The following NIPBL variants were observed in gnomAD, a reference collection of about 807,000 sequenced individuals.
NIPBL encodes the protein nipped-B-like protein.
A neutral mutation model predicts 321.8 loss-of-function variants in NIPBL; 19 were observed. That is an observed-to-expected ratio of 0.06 (90% CI 0.04 to 0.09). NIPBL has a LOEUF of 0.09. Among genes scored for constraint, NIPBL ranks in the 10% least tolerant of loss-of-function variants. The pLI is 1.00. For missense variants in NIPBL, 2,210 were observed against 3,327.0 expected (o/e 0.66, Z 8.26); for synonymous variants, 1,106 against 1,114.1 (o/e 0.99, Z 0.14).
At chr5:36,972,717 A>G (rs1364188535) in intron 8 of NIPBL, among the ~76,000 whole-genome samples, 1 of 152,158 alleles carries the variant, frequency 6.6e-6, no homozygotes, top group Non-Finnish European at 1.5e-5. Context: ...ATCTGTCTTA[A>G]TGCTATTCCA....
At chr5:36,927,978 G>A (rs140684447) in intron 1 of NIPBL, among the ~76,000 whole-genome samples, 330 of 151,964 alleles carry the variant, frequency 2.2e-3, no homozygotes, top group African/African-American at 7.2e-3. Context: ...CACCATGCCC[G>A]GCTGCAGTGA....
chr5:36,984,996 C>A lies in NIPBL; in HGVS notation c.1816C>A (p.Pro606Thr), dbSNP rs147532293. The A allele has an allele frequency of 6.2e-7, 1 of 1,613,762 alleles. No individual in the cohort carries two copies. The highest frequency in any genetic ancestry group is 8.5e-7 in the Non-Finnish European group (1 of 1,179,932). Residue 606 changes from proline (P) to threonine (T), a missense_variant, in exon 10 of 47, where the codon CCT (proline) becomes ACT (threonine). By Grantham distance (38) the Pro-to-Thr change is conservative (BLOSUM62 -1). Around this residue, in one of 14 missense-constraint regions of NIPBL, gnomAD observed 588 missense variants for 564.1 expected, o/e 1.04. Coordinates refer to ENST00000282516, the MANE Select transcript of NIPBL (RefSeq NM_133433.4). ...TGAGACACCTAAAAAAAAGTCTGAT[C>A]CTGAGCTTTCAAAGAGTGAAATGAA... The part of the protein sequence containing the change: ...HPETPKKKSD[P>T]ELSKSEMKQS...
intron 8 of NIPBL, among the ~76,000 whole-genome samples, chr5:36,973,755 C>T (rs1322160934): frequency 6.6e-6 from 1 of 152,154 alleles, no homozygotes; most frequent in Admixed American, 6.5e-5. Flanking sequence ...AGGCGTGAGC[C>T]ACCACACCAG....
chr5:36,976,144 C>T lies in NIPBL; in HGVS notation c.1237C>T (p.Pro413Ser), dbSNP rs1166160584. The T allele has an allele frequency of 6.2e-7, 1 of 1,613,398 alleles. No homozygotes were observed. The highest frequency in any genetic ancestry group is 8.5e-7 in the Non-Finnish European group (1 of 1,179,566). ...TPITPQDINRPLNAAQCLSQQ... is the reference protein window; with the variant it reads ...TPITPQDINRSLNAAQCLSQQ... ...CATTACTCCACAAGATATAAACCGC[C>T]CACTAAATGCTGCTCAATGTTTGTC... The change falls in exon 9 of 47, where the codon CCA becomes TCA. Residue 413 changes from proline to serine, a missense_variant. Pro to Ser is a moderately conservative substitution (Grantham distance 74). This residue lies in a region of NIPBL where 464 missense variants were observed against 529.5 expected (regional missense o/e 0.88). Coordinates refer to ENST00000282516, the MANE Select transcript of NIPBL (RefSeq NM_133433.4).
chr5:36,978,573 C>T (rs374851114), intron 9 of NIPBL, among the ~76,000 whole-genome samples: 1 of 152,012 alleles, frequency 6.6e-6, no homozygotes, highest in East Asian at 1.9e-4. Context: ...TTTTGCTGTA[C>T]AGAAACTCTT....
chr5:36,918,988 T>C (rs1486016165), intron 1 of NIPBL, among the ~76,000 whole-genome samples: 3 of 152,154 alleles, frequency 2.0e-5, no homozygotes, highest in African/African-American at 4.8e-5. Flanking sequence ...AAAATTCTCT[T>C]TTTTTGTTGT....
At chr5:36,944,774 A>T (rs1431867542) in intron 1 of NIPBL, among the ~76,000 whole-genome samples, 1 of 151,974 alleles carries the variant, frequency 6.6e-6, no homozygotes, top group Non-Finnish European at 1.5e-5. Flanking sequence ...TAATTTTCTC[A>T]CTTATTTACA....
At position 37,058,991 on chromosome 5, in the gene NIPBL, G is replaced by A. The variant is rs578001374; in HGVS notation, c.7511G>A (p.Arg2504Gln). Residue 2504 changes from arginine to glutamine, a missense_variant, in exon 44 of 47, where the codon CGG becomes CAG. Physicochemically the swap from Arg to Gln is conservative, Grantham distance 43. Transcript: ENST00000282516. Reference sequence around the variant, plus strand: ...GAAGTTTCCAGGCCTCGGAAGTCACGGAAACGTGTAGATTCAGATTCAGAT... The same window carrying A: ...GAAGTTTCCAGGCCTCGGAAGTCACAGAAACGTGTAGATTCAGATTCAGAT... ...EEEVSRPRKS[R>Q]KRVDSDSDSD... is the part of the protein sequence containing the mutation. 12 of 1,614,148 alleles carry A rather than the reference G, an allele frequency of 7.4e-6. No homozygotes were observed. The South Asian group carries it at 7.7e-5, about 10-fold the overall frequency.
At chr5:36,915,475 A>G (rs1030721171) in intron 1 of NIPBL, among the ~76,000 whole-genome samples, 2 of 152,124 alleles carry the variant, frequency 1.3e-5, no homozygotes, top group African/African-American at 4.8e-5. Context: ...AGCTCTTACT[A>G]GATGAAGTTC....
At chr5:37,040,296 A>T (rs537722079) in intron 34 of NIPBL, among the ~76,000 whole-genome samples, 3 of 152,154 alleles carry the variant, frequency 2.0e-5, no homozygotes, top group Non-Finnish European at 2.9e-5. Flanking sequence ...TATCTCATAC[A>T]TGGTAAACTT....
At chr5:36,951,817 A>G (rs1175923279) in intron 1 of NIPBL, among the ~76,000 whole-genome samples, 1 of 152,072 alleles carries the variant, frequency 6.6e-6, no homozygotes, top group Middle Eastern at 3.2e-3. Context: ...AAATTTTGTC[A>G]GTCATTCACC....
chr5:36,973,993 A>G (rs977112446), intron 8 of NIPBL, among the ~76,000 whole-genome samples: 3 of 152,150 alleles, frequency 2.0e-5, no homozygotes, highest in Non-Finnish European at 4.4e-5. Flanking sequence ...AGCCATTTCA[A>G]TTCTGTAAAT....
At chr5:36,965,388 A>G (rs2149611815) in intron 6 of NIPBL, among the ~76,000 whole-genome samples, 1 of 152,256 alleles carries the variant, frequency 6.6e-6, no homozygotes, top group South Asian at 2.1e-4. Flanking sequence ...AGAGGGAACT[A>G]GAGGTCATTA....
intron 1 of NIPBL, among the ~76,000 whole-genome samples, chr5:36,900,929 T>C (rs922715469): frequency 1.3e-5 from 2 of 152,210 alleles, no homozygotes; most frequent in Non-Finnish European, 1.5e-5. Flanking sequence ...TGTTCCCTTT[T>C]CTATCCACTC....
chr5:36,967,455 T>C (rs1742329129), intron 6 of NIPBL, among the ~76,000 whole-genome samples: 2 of 152,184 alleles, frequency 1.3e-5, no homozygotes, highest in South Asian at 4.1e-4. Context: ...TACCAAACAT[T>C]AAATGAAGAG....
rs760895817 is a variant in NIPBL at position 36,986,048 on chromosome 5, T to C, written c.2868T>C (p.Phe956=). 6.2e-7 allele frequency: 1 copy of C among 1,614,022 alleles called. No individual in the cohort carries two copies. The highest frequency in any genetic ancestry group is 1.7e-5 in the Admixed American group (1 of 59,972). ...GCAGGTCTGGTGCGTTGAAAAATTT[T>C]GTCATTCCGAAAATCAAGAGGGATA... ...LGGRSGALKN[F]VIPKIKRDKD... is the part of the protein sequence containing the mutation. Residue 956 remains phenylalanine, a synonymous_variant, in exon 10 of 47, where the codon TTT becomes TTC. Coordinates refer to ENST00000282516, the MANE Select transcript of NIPBL (RefSeq NM_133433.4).
At chr5:37,017,249 T>A in intron 24 of NIPBL, 87 bp downstream of exon 24, 1 of 1,305,136 alleles carries the variant, frequency 7.7e-7, no homozygotes, top group Non-Finnish European at 1.1e-6. Context: ...TTTCATTTTG[T>A]GTGGATTCAA....
chr5:37,007,590 A>T (rs1747591164), intron 18 of NIPBL, 116 bp downstream of exon 18: 1 of 708,078 alleles, frequency 1.4e-6, no homozygotes, highest in Admixed American at 2.9e-5. Context: ...TTTCCTGTTA[A>T]GAGTATGTTA....
chr5:37,027,472 G>GT, intron 32 of NIPBL, 60 bp downstream of exon 32: 10 of 1,279,946 alleles, frequency 7.8e-6, no homozygotes, highest in Middle Eastern at 1.9e-4. Flanking sequence ...TTTGTTGTTG[G>GT]TGTTTTTTTT....
Sources: allele counts gnomAD v4.1 joint callset (sites outside exome capture counted in the v4.1 genomes callset), GRCh38; gene constraint gnomAD v4.1.1; regional missense constraint gnomAD v4.1.1; transcripts MANE v1.5; gene names NCBI Gene and HGNC (gene_info 2026-07-23, HGNC 2026-07-21).